ASIC4: variants seen among roughly 807,000 people sequenced by gnomAD.
ASIC4 encodes acid-sensing ion channel 4.
ASIC4 carries 28 observed loss-of-function variants against 53.4 expected under a neutral mutation model. That is an observed-to-expected ratio of 0.52 (90% CI 0.39 to 0.72). ASIC4 has a LOEUF of 0.72. Ranked by LOEUF, ASIC4 falls within the 30% of genes least tolerant of loss-of-function variation. ASIC4 has a pLI of 0.00. For missense variants in ASIC4, 649 were observed against 729.7 expected, an observed-to-expected ratio of 0.89 and a Z score of 1.27; for synonymous variants, 289 against 301.4, an observed-to-expected ratio of 0.96 and a Z score of 0.43.
Position 219,536,936 on chromosome 2 carries a change from GAGTCCGGGGGGT to G in ASIC4, c.1230-125_1230-114del, listed in dbSNP as rs1695147625. The stretch of plus-strand genomic sequence containing the variant: ...GACTGCCTCCCCTCACAGCCTTGGG[GAGTCCGGGGGGT>G]AGTCACTGACTTCCCCATGTAGTGA... On this transcript the variant is annotated intron_variant, in intron 6 of 9. Transcript: ENST00000358078. This position sits in a 1 kb window ranked among gnomAD's most constrained non-coding sequence, Gnocchi z 4.6. 1.3e-6 allele frequency: 1 copy of G among 743,176 alleles called. No individual in the cohort carries two copies. The highest frequency in any genetic ancestry group is 2.2e-6 in the Non-Finnish European group (1 of 445,458). 46.0% of individuals were successfully genotyped at this position (743,176 alleles called of 1,614,324 possible). A position where few individuals can be genotyped will look rare whatever the true frequency, so the allele number is the denominator to read the frequency against.
Position 219,515,101 on chromosome 2 carries a change from C to T in ASIC4, c.377C>T (p.Ser126Leu), listed in dbSNP as rs758893039. 7 of 1,613,932 alleles carry T rather than the reference C, an allele frequency of 4.3e-6. No individual in the cohort carries two copies. The highest frequency in any genetic ancestry group is 2.2e-5 in the East Asian group (1 of 44,890). ...TLCNINRFRH[S>L]ALSDADIFHL... Reference sequence around the variant, plus strand: ...TGCAATATCAACCGCTTCCGGCATTCGGCACTCAGCGATGCCGACATCTTC... The same window carrying T: ...TGCAATATCAACCGCTTCCGGCATTTGGCACTCAGCGATGCCGACATCTTC... Residue 126 changes from serine (S) to leucine (L), a missense_variant, in exon 1 of 10, where the codon TCG (serine) becomes TTG (leucine). Ser to Leu is a moderately radical substitution (Grantham distance 145, BLOSUM62 -2). Transcript: ENST00000358078.
chr2:219,530,298 A>G (rs1048577363), intron 1 of ASIC4, among the ~76,000 whole-genome samples: 5 of 152,238 alleles, frequency 3.3e-5, no homozygotes, highest in African/African-American at 1.2e-4. Flanking sequence ...TCCTGGTGGC[A>G]GCTAAATCCC....
In ASIC4 at chr2:219,536,445, A is replaced by G; in HGVS notation, c.1230-621A>G. Among the ~76,000 whole-genome samples, 1 of 152,062 alleles carries G rather than the reference A, an allele frequency of 6.6e-6. No homozygotes were observed. Among genetic ancestry groups the G allele is most frequent in the Non-Finnish European group, 1.5e-5 (1 of 67,994 alleles). ...ATTATGACACAAAACTCATGCCACAATTTGTCAATGAGCCCACGTTTGATC... is the reference window on the plus strand; with the variant it reads ...ATTATGACACAAAACTCATGCCACAGTTTGTCAATGAGCCCACGTTTGATC... On this transcript the variant is annotated intron_variant, in intron 6 of 9. Coordinates refer to ENST00000358078, the MANE Select transcript of ASIC4 (RefSeq NM_018674.6). This position sits in a 1 kb window ranked among gnomAD's most constrained non-coding sequence, Gnocchi z 4.6.
At position 219,531,856 on chromosome 2, in the gene ASIC4, G is replaced by T. The variant is rs1318839826; in HGVS notation, c.681G>T (p.Met227Ile). 1 of 1,613,562 alleles carries T rather than the reference G, an allele frequency of 6.2e-7. No homozygotes were observed. Among genetic ancestry groups the T allele is most frequent in the Non-Finnish European group, 8.5e-7 (1 of 1,179,794 alleles). ...GCATGGGCAGTGGCCTGGAGATCAT[G>T]CTGGACATCCAGCAGGAGGAGTACC... ...AGGMGSGLEI[M>I]LDIQQEEYLP... Residue 227 changes from methionine to isoleucine, a missense_variant, in exon 2 of 10, where the codon ATG (methionine) becomes ATT (isoleucine). Coordinates refer to ENST00000358078, the MANE Select transcript of ASIC4 (RefSeq NM_018674.6).
intron 1 of ASIC4, among the ~76,000 whole-genome samples, chr2:219,529,860 C>A (rs1207586024): frequency 6.6e-6 from 1 of 152,064 alleles, no homozygotes; most frequent in African/African-American, 2.4e-5. Context: ...GGTAGAAGAA[C>A]TGTGGGAGAG....
rs1695188832 is a variant in ASIC4, at chr2:219,538,568, G to A, written c.*522G>A. ...CCCAGCTCCCCTCTTGGCAGGGGGA[G>A]AGGATGGCCCAGCAGGCCTGGCCCA... On this transcript the variant is annotated 3_prime_UTR_variant, in exon 10 of 10. Transcript: ENST00000358078. 1 of 161,690 alleles carries A rather than the reference G, an allele frequency of 6.2e-6. No individual in the cohort carries two copies. 10.0% of individuals were successfully genotyped at this position (161,690 alleles called of 1,614,324 possible). A position where few individuals can be genotyped will look rare whatever the true frequency, so the allele number is the denominator to read the frequency against.
In ASIC4 at chr2:219,536,316, G is replaced by A. The variant is rs1482662769; in HGVS notation, c.1230-750G>A. Among the ~76,000 whole-genome samples, 1 of 152,270 alleles carries A rather than the reference G, an allele frequency of 6.6e-6. No individual in the cohort carries two copies. The highest frequency in any genetic ancestry group is 1.5e-5 in the Non-Finnish European group (1 of 68,054). The stretch of plus-strand genomic sequence containing the variant: ...CACAGTACCCTGCAGGGGGAGGCAG[G>A]AGGGACCGCCCTGAGGCTTGGGTCT... On this transcript the variant is annotated intron_variant, in intron 6 of 9. Coordinates refer to ENST00000358078, the MANE Select transcript of ASIC4 (RefSeq NM_018674.6). This position sits in a 1 kb window ranked among gnomAD's most constrained non-coding sequence, Gnocchi z 4.6.
chr2:219,523,551 A>G (rs1191381054), intron 1 of ASIC4, among the ~76,000 whole-genome samples: 2 of 152,104 alleles, frequency 1.3e-5, no homozygotes, highest in Non-Finnish European at 2.9e-5. Flanking sequence ...CACGTGTAGA[A>G]CTAAGCCTGC....
rs114578451 is a variant in ASIC4, at chr2:219,536,725, A to G, written c.1230-341A>G. 2.9e-3 allele frequency among the ~76,000 whole-genome samples: 437 copies of G among 151,936 alleles called. 1 individual carries two copies. Among genetic ancestry groups the G allele is most frequent in the African/African-American group, 9.9e-3 (409 of 41,418 alleles). On this transcript the variant is annotated intron_variant, in intron 6 of 9. Coordinates refer to ENST00000358078, the MANE Select transcript of ASIC4 (RefSeq NM_018674.6). This position sits in a 1 kb window ranked among gnomAD's most constrained non-coding sequence, Gnocchi z 4.6. ...GCTGCCCAGGACACCGAGAAGGGGC[A>G]TTGTGGAGTGGACTGACGGGCAACA...
Position 219,514,790 on chromosome 2 carries a change from G to A in ASIC4, c.66G>A (p.Glu22=). ...AEEDAKPKEK[E]AGDEQSLLGA... is the part of the protein sequence containing the mutation. ...AGGATGCGAAACCCAAGGAGAAGGA[G>A]GCAGGGGATGAGCAGAGCCTCCTCG... Residue 22 remains glutamate (E), a synonymous_variant, in exon 1 of 10, where the codon GAG becomes GAA. Coordinates refer to ENST00000358078, the MANE Select transcript of ASIC4 (RefSeq NM_018674.6). The A allele has an allele frequency of 1.2e-6, 2 of 1,613,496 alleles. No homozygotes were observed. Among genetic ancestry groups the A allele is most frequent in the Non-Finnish European group, 1.7e-6 (2 of 1,179,984 alleles).
At chr2:219,522,787 C>A (rs1694908212) in intron 1 of ASIC4, among the ~76,000 whole-genome samples, 1 of 152,094 alleles carries the variant, frequency 6.6e-6, no homozygotes, top group African/African-American at 2.4e-5. Context: ...GTGGAAGCCT[C>A]TGGCGCTGCT....
In ASIC4 at chr2:219,537,667, T is replaced by A; in HGVS notation, c.1437T>A (p.Arg479=). The change falls in exon 9 of 10, where the codon CGT becomes CGA. Residue 479 remains arginine (R), a synonymous_variant. Coordinates refer to ENST00000358078, the MANE Select transcript of ASIC4 (RefSeq NM_018674.6). The surrounding 1 kb of genome is among the most constrained non-coding windows in gnomAD (Gnocchi z 4.9). ...ATCGACTGAAGCGGGTATGGAGGCG[T>A]CCCAAGACCCCCCTGCGGACCTCCA... The part of the protein sequence containing the change: ...SWDRLKRVWR[R]PKTPLRTSTG... The A allele has an allele frequency of 6.2e-7, 1 of 1,613,926 alleles. No homozygotes were observed. The highest frequency in any genetic ancestry group is 1.3e-5 in the African/African-American group (1 of 75,006).
chr2:219,519,337 T>C (rs977879413), intron 1 of ASIC4, among the ~76,000 whole-genome samples: 2 of 152,240 alleles, frequency 1.3e-5, no homozygotes, highest in Non-Finnish European at 2.9e-5. Context: ...TGGCTATCTT[T>C]AACCTGACTG....
At chr2:219,510,936 T>G (rs890000287), upstream of ASIC4, among the ~76,000 whole-genome samples, 21 of 149,564 alleles carry the variant, frequency 1.4e-4, no homozygotes, top group Non-Finnish European at 2.5e-4. The surrounding 1 kb of genome is among the most constrained non-coding windows in gnomAD (Gnocchi z 5.2). Flanking sequence ...CCCCCGCCCC[T>G]CGGCCCCTGC....
Position 219,532,401 on chromosome 2 carries a change from T to C in ASIC4, c.942T>C (p.Ser314=). 1 of 1,614,028 alleles carries C rather than the reference T, an allele frequency of 6.2e-7. No individual in the cohort carries two copies. Among genetic ancestry groups the C allele is most frequent in the Non-Finnish European group, 8.5e-7 (1 of 1,179,972 alleles). Residue 314 remains serine (S), a synonymous_variant, in exon 4 of 10, where the codon AGT becomes AGC. Transcript: ENST00000358078. ...AGCTTCAGGGCTACTCGGCCTACAG[T>C]GTGTCTGCCTGCCGGCTGCGCTGTG... ...EPELQGYSAY[S]VSACRLRCEK... is the part of the protein sequence containing the mutation.
At chr2:219,531,046 G>T (rs1401952912) in intron 1 of ASIC4, among the ~76,000 whole-genome samples, 1 of 152,140 alleles carries the variant, frequency 6.6e-6, no homozygotes, top group Non-Finnish European at 1.5e-5. Context: ...GATTCTAAAT[G>T]TATTTCAGAA....
In ASIC4 at chr2:219,537,625, C is replaced by A; in HGVS notation, c.1402-7C>A. On this transcript the variant is annotated splice_region_variant and splice_polypyrimidine_tract_variant and intron_variant, in intron 8 of 9. Transcript: ENST00000358078. The surrounding 1 kb of genome is among the most constrained non-coding windows in gnomAD (Gnocchi z 4.9). ...GCCCACTGCTGTCCCCGACCCTGAA[C>A]CCCAAGGTGTCCTGGGATCGACTGA... 2 of 1,609,674 alleles carry A rather than the reference C, an allele frequency of 1.2e-6. No homozygotes were observed. Among genetic ancestry groups the A allele is most frequent in the Non-Finnish European group, 1.7e-6 (2 of 1,177,740 alleles).
Position 219,537,910 on chromosome 2 carries a change from T to C in ASIC4, c.1507-23T>C, listed in dbSNP as rs778268308. The C allele has an allele frequency of 2.3e-5, 36 of 1,574,668 alleles. No homozygotes were observed. The highest frequency in any genetic ancestry group is 2.7e-5 in the Non-Finnish European group (31 of 1,155,598). ...ACCACTTGAGCTCTCCCGGTCCCAC[T>C]CTCTCTTTTCTTTCTCCTGCAGAGT... On this transcript the variant is annotated intron_variant, in intron 9 of 9. Transcript: ENST00000358078. The surrounding 1 kb of genome is among the most constrained non-coding windows in gnomAD (Gnocchi z 4.9).
intron 5 of ASIC4, chr2:219,534,161 G>A (rs1360974266): frequency 6.6e-6 from 1 of 152,268 alleles, no homozygotes; most frequent in Non-Finnish European, 1.5e-5. Context: ...CCAGGGACTG[G>A]CGAAGCTGGC....
Sources: gnomAD v4.1 joint callset for allele counts (sites outside exome capture counted in the v4.1 genomes callset) on GRCh38, gnomAD v4.1.1 for gene constraint, Gnocchi (gnomAD v3.1) non-coding constraint, MANE v1.5 for transcripts, NCBI Gene and HGNC (gene_info 2026-07-23, HGNC 2026-07-21) for gene names.